The following STK24 variants were observed in gnomAD, a reference collection of about 807,000 sequenced individuals.
STK24 encodes the protein serine/threonine-protein kinase 24.
In STK24, 21 loss-of-function variants were observed where a neutral mutation model predicts 55.6. The ratio of observed to expected loss-of-function variants is 0.38; its 90% CI spans 0.27 to 0.54. The LOEUF (loss-of-function observed/expected upper bound fraction) is 0.54. STK24 is among the 20% of genes least tolerant of loss of function. The pLI, the probability that STK24 is intolerant of heterozygous loss-of-function variation, is 0.79. For synonymous variants in STK24, 200 were observed against 215.2 expected (o/e 0.93, Z 0.62); for missense variants, 383 against 538.4 (o/e 0.71, Z 2.86).
At chr13:98,468,188 T>C (rs1007028880) in intron 5 of STK24, among the ~76,000 whole-genome samples, 27 of 152,260 alleles carry the variant, frequency 1.8e-4, no homozygotes, top group African/African-American at 4.6e-4. Flanking sequence ...TCCATGGGAA[T>C]GATGCCTACG....
At chr13:98,462,302 C>T (rs1252561637) in intron 7 of STK24, among the ~76,000 whole-genome samples, 1 of 152,172 alleles carries the variant, frequency 6.6e-6, no homozygotes, top group Non-Finnish European at 1.5e-5. Context: ...ACTTTGGCCT[C>T]ACCTTGGCCA....
At chr13:98,534,628 T>C (rs1896662648) in intron 1 of STK24, among the ~76,000 whole-genome samples, 1 of 152,186 alleles carries the variant, frequency 6.6e-6, no homozygotes, top group Admixed American at 6.5e-5. Flanking sequence ...CTAAGATCAG[T>C]GCTTGGAATA....
intron 2 of STK24, among the ~76,000 whole-genome samples, chr13:98,504,647 ACTAT>A (rs1895619470): frequency 2.0e-5 from 3 of 152,010 alleles, no homozygotes; most frequent in Admixed American, 1.3e-4. Flanking sequence ...GTCGTCGGTG[ACTAT>A]CTACACAGCA....
At chr13:98,471,344 C>A (rs1894135735) in intron 5 of STK24, among the ~76,000 whole-genome samples, 1 of 152,240 alleles carries the variant, frequency 6.6e-6, no homozygotes, top group Non-Finnish European at 1.5e-5. Flanking sequence ...TCAAACCAAG[C>A]ACAATCCATT....
intron 1 of STK24, among the ~76,000 whole-genome samples, chr13:98,547,955 T>C (rs1377160851): frequency 1.3e-5 from 2 of 152,188 alleles, no homozygotes; most frequent in East Asian, 1.9e-4. Flanking sequence ...AGGCTATTTA[T>C]GCAGCTGGGC....
intron 1 of STK24, among the ~76,000 whole-genome samples, chr13:98,530,601 G>A (rs1163211120): frequency 6.6e-6 from 1 of 152,130 alleles, no homozygotes. Flanking sequence ...ACTGTCTCCG[G>A]AGCTCTGACA....
At chr13:98,559,333 C>T (rs550530126) in intron 1 of STK24, among the ~76,000 whole-genome samples, 20 of 152,222 alleles carry the variant, frequency 1.3e-4, no homozygotes, top group African/African-American at 4.1e-4. Context: ...CCATCCTCTT[C>T]GCATGACACT....
At position 98,446,603 on chromosome 13, in the gene STK24, C is replaced by G; in HGVS notation, c.*6570G>C. The G allele has an allele frequency of 1.3e-6, 2 of 1,557,956 alleles. No homozygotes were observed. The highest frequency in any genetic ancestry group is 2.2e-5 in the East Asian group (1 of 44,620). ...CAAGTCCCTGTCTGATGCGGGGCAG[C>G]AGCCAGGCCCAGCAGCAGAAGCTGA... is the stretch of plus-strand genomic sequence containing the variant. On this transcript the variant is annotated 3_prime_UTR_variant, in exon 11 of 11. Coordinates refer to ENST00000539966, the MANE Select transcript of STK24 (RefSeq NM_001032296.4).
intron 5 of STK24, among the ~76,000 whole-genome samples, chr13:98,471,957 C>T (rs1894168964): frequency 1.3e-5 from 2 of 152,164 alleles, no homozygotes; most frequent in African/African-American, 4.8e-5. Flanking sequence ...GTCTACAAGT[C>T]ATGCAAGAGA....
intron 9 of STK24, 69 bp downstream of exon 9, chr13:98,460,303 C>G: frequency 7.1e-7 from 1 of 1,411,828 alleles, no homozygotes; most frequent in South Asian, 1.2e-5. Context: ...GGCAACATCA[C>G]CACTGAAGTG....
chr13:98,480,096 C>T (rs745503954), intron 3 of STK24, among the ~76,000 whole-genome samples: 45 of 152,284 alleles, frequency 3.0e-4, no homozygotes, highest in Non-Finnish European at 4.6e-4. Context: ...GAATGTCTGT[C>T]CCTTGTCACC....
chr13:98,568,494 T>C (rs148724825), intron 1 of STK24, among the ~76,000 whole-genome samples: 102 of 152,066 alleles, frequency 6.7e-4, no homozygotes, highest in Non-Finnish European at 1.3e-3. Flanking sequence ...ATATATTATC[T>C]GCAAAGGAAG....
chr13:98,566,601 T>A (rs1013236944), intron 1 of STK24, among the ~76,000 whole-genome samples: 26 of 152,278 alleles, frequency 1.7e-4, no homozygotes, highest in African/African-American at 6.3e-4. Context: ...GAAAACTCAA[T>A]CAAAGCAGTC....
intron 2 of STK24, among the ~76,000 whole-genome samples, chr13:98,517,581 G>C (rs2139378118): frequency 6.6e-6 from 1 of 152,246 alleles, no homozygotes; most frequent in South Asian, 2.1e-4. Flanking sequence ...AGTGAACTGA[G>C]ATCGCCCCAC....
intron 5 of STK24, among the ~76,000 whole-genome samples, chr13:98,467,092 A>T (rs150984977): frequency 1.3e-4 from 20 of 152,312 alleles, no homozygotes; most frequent in African/African-American, 4.1e-4. Flanking sequence ...GAAGAGGAGG[A>T]GGTGGCCATG....
rs376467040 is a variant in STK24 at position 98,508,903 on chromosome 13, G to C, written c.273+10340C>G. 236 of 139,164 alleles carry C rather than the reference G, an allele frequency of 1.7e-3. 1 individual carries two copies. The highest frequency in any genetic ancestry group is 5.6e-3 in the African/African-American group (228 of 40,638). The allele number at this position is 139,164 out of a possible 1,614,324, so 8.6% of individuals were successfully genotyped here. A position where few individuals can be genotyped will look rare whatever the true frequency, so the allele number is the denominator to read the frequency against. On this transcript the variant is annotated intron_variant, in intron 2 of 10. Transcript: ENST00000539966. ...CAAAGCTGTTTCATCAGTTCTCAAAGGGATGGTCAAGCTTGAGGAATGTGA... is the reference window on the plus strand; with the variant it reads ...CAAAGCTGTTTCATCAGTTCTCAAACGGATGGTCAAGCTTGAGGAATGTGA...
At chr13:98,505,757 A>G (rs909610364) in intron 2 of STK24, among the ~76,000 whole-genome samples, 1 of 152,250 alleles carries the variant, frequency 6.6e-6, no homozygotes, top group African/African-American at 2.4e-5. Flanking sequence ...AACTAACTGC[A>G]CAGCTAGCAA....
chr13:98,555,736 A>G, intron 1 of STK24, among the ~76,000 whole-genome samples: 1 of 121,996 alleles, frequency 8.2e-6, no homozygotes, highest in South Asian at 2.9e-4. Context: ...ACTGGAGTGC[A>G]GTGGCGCAAT....
chr13:98,536,341 T>C (rs1164017726), intron 1 of STK24, among the ~76,000 whole-genome samples: 1 of 151,782 alleles, frequency 6.6e-6, no homozygotes, highest in African/African-American at 2.4e-5. Flanking sequence ...ATTGTCTCTG[T>C]TGCATATTCT....
Sources: gnomAD v4.1 joint callset for allele counts (sites outside exome capture counted in the v4.1 genomes callset) on GRCh38, gnomAD v4.1.1 for gene constraint, MANE v1.5 for transcripts, NCBI Gene and HGNC (gene_info 2026-07-23, HGNC 2026-07-21) for gene names.